The following PRKCI variants were observed in gnomAD, a reference collection of about 807,000 sequenced individuals.
PRKCI encodes the protein protein kinase C iota type.
A neutral mutation model predicts 84.0 loss-of-function variants in PRKCI; 43 were observed. The observed-to-expected ratio is 0.51, with a 90% confidence interval of 0.40 to 0.66. The LOEUF (loss-of-function observed/expected upper bound fraction) is 0.66. Ranked by LOEUF, PRKCI falls within the 30% of genes least tolerant of loss-of-function variation. The pLI is 0.00. For synonymous variants in PRKCI, 216 were observed against 234.4 expected (o/e 0.92, Z 0.72); for missense variants, 459 against 745.6 (o/e 0.62, Z 4.48).
intron 12 of PRKCI, among the ~76,000 whole-genome samples, chr3:170,287,336 TATAG>T (rs1237608419): frequency 4.6e-5 from 7 of 150,606 alleles, no homozygotes; most frequent in African/African-American, 7.3e-5. Context: ...TATATATATA[TATAG>T]AGAGAGAGAG....
chr3:170,261,155 G>A (rs969705121), intron 3 of PRKCI, among the ~76,000 whole-genome samples: 29 of 144,410 alleles, frequency 2.0e-4, no homozygotes, highest in Admixed American at 1.3e-3. Context: ...TGTATAGATC[G>A]GATATCACTA....
At chr3:170,266,830 TA>T (rs1484401048) in intron 4 of PRKCI, among the ~76,000 whole-genome samples, 1 of 152,096 alleles carries the variant, frequency 6.6e-6, no homozygotes, top group African/African-American at 2.4e-5. Flanking sequence ...CCATCTTTAC[TA>T]AAAATACAAA....
chr3:170,280,478 G>T (rs1292103113), intron 9 of PRKCI, 75 bp downstream of exon 9: 31 of 1,364,322 alleles, frequency 2.3e-5, no homozygotes, highest in Non-Finnish European at 3.0e-5. Context: ...ACGGAGTTTC[G>T]CTCTTGTCAC....
At chr3:170,269,474 A>G (rs1733948195) in intron 5 of PRKCI, among the ~76,000 whole-genome samples, 1 of 152,046 alleles carries the variant, frequency 6.6e-6, no homozygotes, top group Non-Finnish European at 1.5e-5. Context: ...CAGCCAGGGT[A>G]ACGTAGTGTG....
Position 170,293,532 on chromosome 3 carries a change from A to T in PRKCI, c.1417+24A>T, listed in dbSNP as rs201733083. ...AGGTAATTTGGAGTATTTTACAGAG[A>T]TTCTCTGAGAAAAACCTATTCTAGA... On this transcript the variant is annotated intron_variant, in intron 14 of 17. Coordinates refer to ENST00000295797, the MANE Select transcript of PRKCI (RefSeq NM_002740.6). The T allele has an allele frequency of 2.2e-3, 3,581 of 1,607,394 alleles. 8 individuals carry two copies. The highest frequency in any genetic ancestry group is 2.8e-3 in the Non-Finnish European group (3,321 of 1,176,220).
intron 2 of PRKCI, among the ~76,000 whole-genome samples, chr3:170,256,198 T>A (rs1242175042): frequency 3.3e-5 from 5 of 152,224 alleles, no homozygotes. Flanking sequence ...TACTGGGTCT[T>A]AGAATGAGTT....
intron 2 of PRKCI, among the ~76,000 whole-genome samples, chr3:170,244,292 G>A (rs977549545): frequency 6.6e-6 from 1 of 152,140 alleles, no homozygotes; most frequent in African/African-American, 2.4e-5. Context: ...TTATTTCTGA[G>A]GAGGGCAGAG....
intron 14 of PRKCI, among the ~76,000 whole-genome samples, chr3:170,295,287 C>T (rs754229988): frequency 3.9e-5 from 6 of 152,082 alleles, no homozygotes; most frequent in Non-Finnish European, 8.8e-5. Context: ...CTTTGGGAGT[C>T]CAAGGCAGGA....
chr3:170,265,256 A>C (rs1374897936), intron 4 of PRKCI, among the ~76,000 whole-genome samples: 1 of 152,114 alleles, frequency 6.6e-6, no homozygotes, highest in Non-Finnish European at 1.5e-5. Context: ...ACTGGGGCTG[A>C]GCTACCAGAT....
chr3:170,282,921 A>ATGGTGAAAC (rs1371233206), intron 11 of PRKCI, among the ~76,000 whole-genome samples: 3 of 151,990 alleles, frequency 2.0e-5, no homozygotes, highest in African/African-American at 7.2e-5. Context: ...CCTGGCCAAC[A>ATGGTGAAAC]TGGTGAAACC....
At chr3:170,273,095 A>G (rs540196500) in intron 6 of PRKCI, among the ~76,000 whole-genome samples, 191 bp from the exon 7 acceptor site, 1 of 152,352 alleles carries the variant, frequency 6.6e-6, no homozygotes, top group East Asian at 1.9e-4. Context: ...TTTTCTGTAA[A>G]ATGTGACTAA....
Position 170,222,789 on chromosome 3 carries a change from G to A in PRKCI, c.101+19G>A, listed in dbSNP as rs369689613. ...ACCGCGGGTGAGTGTCCTGGGACAG[G>A]GCGGTGGGCGGGAGGGGACAGGCCG... On this transcript the variant is annotated intron_variant, in intron 1 of 17. Coordinates refer to ENST00000295797, the MANE Select transcript of PRKCI (RefSeq NM_002740.6). 3 of 1,597,306 alleles carry A rather than the reference G, an allele frequency of 1.9e-6. No homozygotes were observed. Among genetic ancestry groups the A allele is most frequent in the Non-Finnish European group, 2.6e-6 (3 of 1,172,348 alleles).
intron 1 of PRKCI, among the ~76,000 whole-genome samples, chr3:170,227,374 T>C (rs2108833427): frequency 6.6e-6 from 1 of 152,298 alleles, no homozygotes; most frequent in Middle Eastern, 3.4e-3. Flanking sequence ...CTTTAAGGAA[T>C]TAAGAGACTT....
intron 1 of PRKCI, among the ~76,000 whole-genome samples, chr3:170,228,047 T>G (rs1027483889): frequency 4.6e-5 from 7 of 152,054 alleles, no homozygotes; most frequent in African/African-American, 1.7e-4. Flanking sequence ...TGGAAGAGAT[T>G]TGTGGGAGAA....
At chr3:170,232,935 C>T (rs1322260748) in intron 1 of PRKCI, among the ~76,000 whole-genome samples, 3 of 152,086 alleles carry the variant, frequency 2.0e-5, no homozygotes, top group African/African-American at 7.2e-5. Flanking sequence ...TTGTTACATT[C>T]ATATTTCACA....
At chr3:170,286,858 G>C (rs1248011661) in intron 12 of PRKCI, among the ~76,000 whole-genome samples, 1 of 149,514 alleles carries the variant, frequency 6.7e-6, no homozygotes, top group Non-Finnish European at 1.5e-5. Flanking sequence ...TGTTGCCCAG[G>C]CTCGTCTCAA....
chr3:170,248,761 T>C (rs1051920924), intron 2 of PRKCI, among the ~76,000 whole-genome samples: 3 of 152,132 alleles, frequency 2.0e-5, no homozygotes, highest in Non-Finnish European at 4.4e-5. Context: ...CTGGCTTAGG[T>C]TTTAACTAAC....
intron 2 of PRKCI, among the ~76,000 whole-genome samples, chr3:170,244,185 A>T (rs1733210678): frequency 6.6e-6 from 1 of 152,168 alleles, no homozygotes; most frequent in African/African-American, 2.4e-5. Flanking sequence ...ACCTGATTTT[A>T]TGCTAATGAG....
At chr3:170,300,269 G>A (rs1734789890) in intron 17 of PRKCI, among the ~76,000 whole-genome samples, 1 of 152,070 alleles carries the variant, frequency 6.6e-6, no homozygotes, top group South Asian at 2.1e-4. Context: ...ACGTGACCTT[G>A]CCTCCTTTGC....
Sources: gnomAD v4.1 joint callset for allele counts (sites outside exome capture counted in the v4.1 genomes callset) on GRCh38, gnomAD v4.1.1 for gene constraint, MANE v1.5 for transcripts, NCBI Gene and HGNC (gene_info 2026-07-23, HGNC 2026-07-21) for gene names.